VPS26C: variants seen among roughly 807,000 people sequenced by gnomAD.
The protein encoded by VPS26C is vacuolar protein sorting-associated protein 26C.
A neutral mutation model predicts 30.6 loss-of-function variants in VPS26C; 19 were observed. The observed-to-expected ratio is 0.62, with a 90% CI of 0.43 to 0.91. VPS26C has a LOEUF of 0.91. Ranked by LOEUF, VPS26C falls within the 40% of genes least tolerant of loss-of-function variation. The probability of loss-of-function intolerance (pLI) is 0.00; values close to 1 mark genes in which losing one functional copy is unlikely to be tolerated. For missense variants in VPS26C, 318 were observed against 385.1 expected, an observed-to-expected ratio of 0.83 and a Z score of 1.46; for synonymous variants, 132 against 151.5, an observed-to-expected ratio of 0.87 and a Z score of 0.95.
chr21:37,237,746 G>C (rs1359634741), intron 3 of VPS26C: 1 of 152,130 alleles, frequency 6.6e-6, no homozygotes, highest in Non-Finnish European at 1.5e-5. Context: ...TTTTCAGCAG[G>C]ATAATGTATC....
chr21:37,248,971 T>C (rs1258898877), intron 1 of VPS26C, among the ~76,000 whole-genome samples: 1 of 152,286 alleles, frequency 6.6e-6, no homozygotes, highest in East Asian at 1.9e-4. Context: ...ACAACTCATA[T>C]TAATAGCTAT....
At chr21:37,262,681 T>C (rs1408645154) in intron 1 of VPS26C, among the ~76,000 whole-genome samples, 1 of 152,174 alleles carries the variant, frequency 6.6e-6, no homozygotes, top group East Asian at 1.9e-4. Flanking sequence ...ACACAAATCA[T>C]CAGTGGATAC....
chr21:37,242,418 G>A (rs2086096568), intron 1 of VPS26C, among the ~76,000 whole-genome samples: 1 of 152,030 alleles, frequency 6.6e-6, no homozygotes, highest in African/African-American at 2.4e-5. Context: ...GCTGCATAGT[G>A]GGACTCCTTC....
chr21:37,267,299 A>C lies in VPS26C; in HGVS notation c.-5T>G. The C allele has an allele frequency of 6.6e-7, 1 of 1,519,988 alleles. No homozygotes were observed. Among genetic ancestry groups the C allele is most frequent in the Non-Finnish European group, 8.9e-7 (1 of 1,127,036 alleles). The allele number at this position is 1,519,988 out of a possible 1,614,324, so 94.2% of individuals were successfully genotyped here. A position where few individuals can be genotyped will look rare whatever the true frequency, so the allele number is the denominator to read the frequency against. On this transcript the variant is annotated 5_prime_UTR_variant, in exon 1 of 8. It adds an upstream start codon to the 5' untranslated region. Transcript: ENST00000309117. ...GATGTCCAGGGCGGTCCCCATCTCC[A>C]ATTCTCCGCAGCAGCCGCCACTTCC...
chr21:37,242,430 C>G (rs1170784458), intron 1 of VPS26C, among the ~76,000 whole-genome samples: 1 of 151,960 alleles, frequency 6.6e-6, no homozygotes, highest in Non-Finnish European at 1.5e-5. Context: ...GACTCCTTCT[C>G]TACAAATAAA....
chr21:37,235,879 A>ATATATT (rs1555930580), intron 3 of VPS26C, among the ~76,000 whole-genome samples: 28 of 111,288 alleles, frequency 2.5e-4, no homozygotes, highest in South Asian at 8.0e-4. Context: ...ATATATATAT[A>ATATATT]TTTTTTTTTT....
chr21:37,258,267 G>A (rs1602286925), intron 1 of VPS26C, among the ~76,000 whole-genome samples: 1 of 152,252 alleles, frequency 6.6e-6, no homozygotes, highest in South Asian at 2.1e-4. Context: ...CCGCGCTGCA[G>A]TTCCCAGGCC....
chr21:37,266,872 T>C (rs2086367926), intron 1 of VPS26C: 3 of 355,532 alleles, frequency 8.4e-6, no homozygotes, highest in South Asian at 5.7e-5. Context: ...AAAGGGGAGT[T>C]TGGTCGTCAA....
Position 37,226,131 on chromosome 21 carries a change from A to ACC in VPS26C, c.812-506_812-505insGG. ...ACTATTCATCCATCACCTTTCAGCA[A>ACC]ACAGGATTCCTTCTCCACCGACTCT... On this transcript the variant is annotated intron_variant, in intron 7 of 7. Coordinates refer to ENST00000309117, the MANE Select transcript of VPS26C (RefSeq NM_006052.2). This position sits in a 1 kb window ranked among gnomAD's most constrained non-coding sequence, Gnocchi z 4.1. The ACC allele has an allele frequency of 6.4e-6, 1 of 157,096 alleles. No homozygotes were observed. The highest frequency in any genetic ancestry group is 1.4e-5 in the Non-Finnish European group (1 of 70,524). The allele number at this position is 157,096 out of a possible 1,614,324, so 9.7% of individuals were successfully genotyped here. A position where few individuals can be genotyped will look rare whatever the true frequency, so the allele number is the denominator to read the frequency against.
intron 7 of VPS26C, chr21:37,227,380 A>ATGT (rs2085911458): frequency 4.3e-6 from 2 of 466,434 alleles, no homozygotes; most frequent in African/African-American, 3.9e-5. Flanking sequence ...GTCTACACTG[A>ATGT]TGTGGGTCTG....
chr21:37,235,238 T>C (rs1222404839), intron 3 of VPS26C, among the ~76,000 whole-genome samples: 1 of 152,196 alleles, frequency 6.6e-6, no homozygotes, highest in Non-Finnish European at 1.5e-5. Context: ...CCTCAGGTGA[T>C]CCACATGCCT....
intron 7 of VPS26C, 87 bp downstream of exon 7, chr21:37,227,567 T>A: frequency 6.7e-7 from 1 of 1,496,140 alleles, no homozygotes; most frequent in Non-Finnish European, 9.2e-7. Context: ...GGGCGGCAGG[T>A]TCTGAGCTCT....
intron 3 of VPS26C, among the ~76,000 whole-genome samples, chr21:37,234,536 T>C (rs988652560): frequency 2.0e-5 from 3 of 152,186 alleles, no homozygotes; most frequent in Non-Finnish European, 4.4e-5. Flanking sequence ...AATGTAATTC[T>C]ACAGCAGGAC....
At chr21:37,267,032 G>T (rs2086371443) in intron 1 of VPS26C, 2 of 612,770 alleles carry the variant, frequency 3.3e-6, no homozygotes, top group Non-Finnish European at 5.9e-6. Context: ...CCTGCCCTGG[G>T]GCCTCCTCGC....
intron 5 of VPS26C, chr21:37,230,582 A>T (rs899532213): frequency 5.3e-5 from 8 of 152,284 alleles, no homozygotes; most frequent in African/African-American, 1.9e-4. Context: ...CCAACAATAA[A>T]CCTGAATGGT....
chr21:37,235,414 G>A (rs1489537519), intron 3 of VPS26C, among the ~76,000 whole-genome samples: 9 of 152,198 alleles, frequency 5.9e-5, no homozygotes, highest in East Asian at 1.9e-4. Flanking sequence ...GATTACAGGC[G>A]TGAGCCACGG....
In VPS26C at chr21:37,241,392, G is replaced by C. The variant is rs530414700; in HGVS notation, c.58-753C>G. Among the ~76,000 whole-genome samples the C allele has an allele frequency of 1.2e-4, 19 of 152,316 alleles. No individual in the cohort carries two copies. The East Asian group carries it at 3.7e-3, about 29-fold the overall frequency. On this transcript the variant is annotated intron_variant, in intron 1 of 7. Coordinates refer to ENST00000309117, the MANE Select transcript of VPS26C (RefSeq NM_006052.2). ...GATAGTAACTGCATTCGCTATTGGA[G>C]AGCAGTTTCTTCCTGTCACCATAGA...
intron 1 of VPS26C, chr21:37,266,945 T>C (rs770540395): frequency 4.2e-5 from 18 of 433,528 alleles, no homozygotes; most frequent in Non-Finnish European, 6.3e-5. Context: ...CGCCGGGTGT[T>C]CAAGGGGCCA....
intron 1 of VPS26C, 58 bp downstream of exon 1, chr21:37,267,180 G>C (rs945623791): frequency 7.1e-7 from 1 of 1,406,640 alleles, no homozygotes; most frequent in African/African-American, 1.4e-5. Flanking sequence ...GATGGAGACA[G>C]CGGAACCTGC....
Sources: allele counts gnomAD v4.1 joint callset (sites outside exome capture counted in the v4.1 genomes callset), GRCh38; gene constraint gnomAD v4.1.1; non-coding constraint Gnocchi (gnomAD v3.1); transcripts MANE v1.5; gene names NCBI Gene and HGNC (gene_info 2026-07-23, HGNC 2026-07-21).